The following PACRG variants were observed in gnomAD, a reference collection of about 807,000 sequenced individuals.
PACRG encodes parkin coregulated, also known as parkin coregulated gene protein.
A neutral mutation model predicts 29.7 loss-of-function variants in PACRG; 29 were observed. The observed-to-expected ratio is 0.98, with a 90% CI of 0.73 to 1.33. The LOEUF (loss-of-function observed/expected upper bound fraction) is 1.33, where lower values mean the gene tolerates loss of function less well. Among genes scored for constraint, PACRG ranks in the 40% most tolerant of loss-of-function variants. PACRG has a pLI of 0.00. For missense variants in PACRG, 279 were observed against 316.2 expected, an observed-to-expected ratio of 0.88 and a Z score of 0.89; for synonymous variants, 116 against 118.7, an observed-to-expected ratio of 0.98 and a Z score of 0.15.
intron 2 of PACRG, among the ~76,000 whole-genome samples, chr6:162,829,493 A>G (rs532115273): frequency 6.6e-6 from 1 of 152,348 alleles, no homozygotes; most frequent in Non-Finnish European, 1.5e-5. Flanking sequence ...CAATTTATTA[A>G]GTGCAGTGAA....
At chr6:162,739,179 G>A (rs1584190333) in intron 1 of PACRG, among the ~76,000 whole-genome samples, 1 of 152,118 alleles carries the variant, frequency 6.6e-6, no homozygotes, top group African/African-American at 2.4e-5. Context: ...GTTGGTATCA[G>A]ACTAAAATTG....
At chr6:162,933,052 G>A (rs1293434709) in intron 2 of PACRG, among the ~76,000 whole-genome samples, 1 of 151,618 alleles carries the variant, frequency 6.6e-6, no homozygotes, top group Non-Finnish European at 1.5e-5. Context: ...TTTGGTATAT[G>A]TTTAGTGTTT....
intron 2 of PACRG, among the ~76,000 whole-genome samples, chr6:162,979,123 G>A (rs537493336): frequency 2.5e-4 from 38 of 152,188 alleles, no homozygotes; most frequent in Admixed American, 2.1e-3. Flanking sequence ...TTCTTAGGAC[G>A]AATATGTTTA....
chr6:162,803,609 A>G (rs1786065676), intron 1 of PACRG, among the ~76,000 whole-genome samples: 1 of 151,378 alleles, frequency 6.6e-6, no homozygotes, highest in Non-Finnish European at 1.5e-5. Flanking sequence ...CAAAGATGAT[A>G]AGATATTTTC....
chr6:162,874,151 A>AAAAATATATATAT (rs67812561), intron 2 of PACRG, among the ~76,000 whole-genome samples: 1 of 136,312 alleles, frequency 7.3e-6, no homozygotes, highest in African/African-American at 2.7e-5. Context: ...AAAAAAAAAA[A>AAAAATATATATAT]ATATATATAT....
intron 4 of PACRG, among the ~76,000 whole-genome samples, chr6:163,290,266 A>ACT (rs879794988): frequency 1.7e-5 from 2 of 120,514 alleles, no homozygotes; most frequent in African/African-American, 6.4e-5. Context: ...GTGCGCATGC[A>ACT]CGCGCGCGCG....
intron 4 of PACRG, among the ~76,000 whole-genome samples, chr6:163,111,232 T>C (rs1374192633): frequency 6.6e-6 from 1 of 152,218 alleles, no homozygotes; most frequent in Non-Finnish European, 1.5e-5. Context: ...CCCAATTGCC[T>C]GGCACCAACT....
At chr6:162,881,168 T>C (rs1448374401) in intron 2 of PACRG, among the ~76,000 whole-genome samples, 2 of 152,154 alleles carry the variant, frequency 1.3e-5, no homozygotes, top group Non-Finnish European at 1.5e-5. Flanking sequence ...ATTTTGCCTA[T>C]TGGAAGTGTT....
At chr6:163,207,958 G>C (rs549864883) in intron 4 of PACRG, among the ~76,000 whole-genome samples, 1 of 152,364 alleles carries the variant, frequency 6.6e-6, no homozygotes, top group Admixed American at 6.5e-5. Context: ...CGCTGAGAAG[G>C]AGTGGGGACT....
At chr6:163,308,149 A>T (rs1280836574) in intron 4 of PACRG, among the ~76,000 whole-genome samples, 3 of 152,208 alleles carry the variant, frequency 2.0e-5, no homozygotes, top group Admixed American at 1.3e-4. Flanking sequence ...AATTCATATT[A>T]AAAAAACTCA....
intron 2 of PACRG, among the ~76,000 whole-genome samples, chr6:162,887,010 C>T (rs748432012): frequency 3.9e-5 from 6 of 152,104 alleles, no homozygotes; most frequent in Admixed American, 1.3e-4. Context: ...CAGGTTCAAG[C>T]GATTCTCCTG....
chr6:163,177,477 A>T (rs1452918733), intron 4 of PACRG, among the ~76,000 whole-genome samples: 1 of 152,090 alleles, frequency 6.6e-6, no homozygotes, highest in Non-Finnish European at 1.5e-5. Flanking sequence ...GGTCTGAGTG[A>T]CAATGTGGAG....
intron 2 of PACRG, among the ~76,000 whole-genome samples, chr6:163,002,090 A>G (rs1431862676): frequency 6.6e-6 from 1 of 152,238 alleles, no homozygotes; most frequent in Non-Finnish European, 1.5e-5. Context: ...GAGTGAAGGC[A>G]AATTTTTCAG....
chr6:163,042,196 C>T (rs1421631865), intron 2 of PACRG, among the ~76,000 whole-genome samples: 1 of 152,068 alleles, frequency 6.6e-6, no homozygotes, highest in Non-Finnish European at 1.5e-5. Context: ...GGTGGCATAG[C>T]AGTCTCTATG....
chr6:163,080,193 C>G (rs145267156), intron 3 of PACRG, among the ~76,000 whole-genome samples: 2 of 152,012 alleles, frequency 1.3e-5, no homozygotes, highest in African/African-American at 4.8e-5. Context: ...CCACTGTGCC[C>G]GGCCCTAGTC....
intron 3 of PACRG, among the ~76,000 whole-genome samples, chr6:163,079,665 A>C (rs1812888480): frequency 6.6e-6 from 1 of 152,072 alleles, no homozygotes. Flanking sequence ...CAGTCCTAGA[A>C]TCACAGCAGT....
intron 4 of PACRG, among the ~76,000 whole-genome samples, chr6:163,232,307 A>G (rs1782076158): frequency 6.6e-6 from 1 of 152,192 alleles, no homozygotes. Flanking sequence ...TGGCTACTCC[A>G]GAGGCTCCTC....
chr6:163,011,506 C>T (rs575114217), intron 2 of PACRG, among the ~76,000 whole-genome samples: 36 of 152,310 alleles, frequency 2.4e-4, no homozygotes, highest in African/African-American at 8.4e-4. Flanking sequence ...CTGGAAGTGG[C>T]TCTGAGTGAG....
At chr6:163,137,474 C>G (rs534186611) in intron 4 of PACRG, among the ~76,000 whole-genome samples, 1 of 152,286 alleles carries the variant, frequency 6.6e-6, no homozygotes, top group African/African-American at 2.4e-5. Context: ...CCACCAAAAT[C>G]CTCAGAACTC....
Sources: allele counts gnomAD v4.1 joint callset (sites outside exome capture counted in the v4.1 genomes callset), GRCh38; gene constraint gnomAD v4.1.1; transcripts MANE v1.5; gene names NCBI Gene and HGNC (gene_info 2026-07-23, HGNC 2026-07-21).